Variants in NDUFA5 observed in about 807,000 individuals in gnomAD.
The protein encoded by NDUFA5 is NADH:ubiquinone oxidoreductase subunit A5, also known as NADH dehydrogenase [ubiquinone] 1 alpha subcomplex subunit 5.
NDUFA5 carries 11 observed loss-of-function variants against 19.8 expected under a neutral mutation model. That is an observed-to-expected ratio of 0.56 (90% CI 0.35 to 0.92). The LOEUF (loss-of-function observed/expected upper bound fraction) is 0.92. Ranked by LOEUF, NDUFA5 falls within the 40% of genes least tolerant of loss-of-function variation. The pLI, the probability that NDUFA5 is intolerant of heterozygous loss-of-function variation, is 0.01. For missense variants in NDUFA5, 109 were observed against 134.2 expected, an observed-to-expected ratio of 0.81 and a Z score of 0.93; for synonymous variants, 47 against 46.8, an observed-to-expected ratio of 1.00 and a Z score of -0.01.
At chr7:123,565,481 CAT>C in the NDUFA5 span, among the ~76,000 whole-genome samples, 1 of 151,918 alleles carries the variant, frequency 6.6e-6, no homozygotes, top group Non-Finnish European at 1.5e-5. Context: ...CCCCAGATAA[CAT>C]ATGTTTTTAT....
At chr7:123,544,146 C>G (rs1354573414) in intron 4 of NDUFA5, among the ~76,000 whole-genome samples, 1 of 152,032 alleles carries the variant, frequency 6.6e-6, no homozygotes, top group Non-Finnish European at 1.5e-5. Context: ...AAGATGAAGA[C>G]ATTCTAAACC....
chr7:123,555,551 A>G lies in NDUFA5; in HGVS notation c.66+1853T>C, dbSNP rs180695382. ...GGGAGTAGAAAGATCTGAAACTATCAAGAAAAATACAGCCCACAGAGGAAG... is the reference window on the plus strand; with the variant it reads ...GGGAGTAGAAAGATCTGAAACTATCGAGAAAAATACAGCCCACAGAGGAAG... On this transcript the variant is annotated intron_variant, in intron 2 of 4. Coordinates refer to ENST00000355749, the MANE Select transcript of NDUFA5 (RefSeq NM_005000.5). 1.4e-3 allele frequency: 219 copies of G among 152,370 alleles called. 1 individual carries two copies. The highest frequency in any genetic ancestry group is 4.8e-3 in the African/African-American group (198 of 41,582). 9.4% of individuals were successfully genotyped at this position (152,370 alleles called of 1,614,324 possible). A position where few individuals can be genotyped will look rare whatever the true frequency, so the allele number is the denominator to read the frequency against.
At chr7:123,562,953 C>T in the NDUFA5 span, among the ~76,000 whole-genome samples, 28 of 151,992 alleles carry the variant, frequency 1.8e-4, no homozygotes, top group South Asian at 4.2e-4. Context: ...AGGCACACCA[C>T]TCCCAGCTAA....
At chr7:123,566,175 A>G in the NDUFA5 span, among the ~76,000 whole-genome samples, 2 of 152,202 alleles carry the variant, frequency 1.3e-5, no homozygotes, top group African/African-American at 4.8e-5. Flanking sequence ...CACACTGTTC[A>G]GTACCACTAG....
At chr7:123,549,020 AG>A (rs111608945) in intron 3 of NDUFA5, among the ~76,000 whole-genome samples, 42,832 of 152,052 alleles carry the variant, frequency 0.28, 6,164 homozygotes, top group East Asian at 0.32. Context: ...TAGTATTATA[AG>A]TAACCTAGAG....
the NDUFA5 span, among the ~76,000 whole-genome samples, chr7:123,569,126 G>C: frequency 6.6e-6 from 1 of 152,116 alleles, no homozygotes; most frequent in Non-Finnish European, 1.5e-5. Context: ...AAGTACTGAG[G>C]ATTCTGGGGA....
chr7:123,548,664 G>A lies in NDUFA5; in HGVS notation c.183+1806C>T, dbSNP rs139984155. ...AGGATCAGATTGAGAAAATAACCAA[G>A]AGCCAGAACTTAGAAGGCCTTCTAT... On this transcript the variant is annotated intron_variant, in intron 3 of 4. Coordinates refer to ENST00000355749, the MANE Select transcript of NDUFA5 (RefSeq NM_005000.5). Among the ~76,000 whole-genome samples the A allele has an allele frequency of 2.4e-3, 361 of 152,254 alleles. 3 individuals are homozygous for A. The highest frequency in any genetic ancestry group is 8.4e-3 in the African/African-American group (347 of 41,552).
chr7:123,573,079 G>C, the NDUFA5 span, among the ~76,000 whole-genome samples: 15 of 151,918 alleles, frequency 9.9e-5, no homozygotes, highest in Non-Finnish European at 1.9e-4. Context: ...CAAAGATTTA[G>C]TATGCTCTAA....
chr7:123,552,099 G>C (rs1798362673), intron 2 of NDUFA5, among the ~76,000 whole-genome samples: 1 of 151,404 alleles, frequency 6.6e-6, no homozygotes, highest in Admixed American at 6.6e-5. Flanking sequence ...AAACAAACAA[G>C]ACATGATCAC....
In NDUFA5 at chr7:123,540,890, G is replaced by GCGCACACACACACA. The variant is rs766305834; in HGVS notation, c.*1228_*1229insTGTGTGTGTGTGCG. On this transcript the variant is annotated 3_prime_UTR_variant, in exon 5 of 5. Transcript: ENST00000355749. The stretch of plus-strand genomic sequence containing the variant: ...TCTGAGCAAATGTGCGCATGCGCGT[G>GCGCACACACACACA]CACACACACACACACACACACACAC... 3 of 133,830 alleles carry GCGCACACACACACA rather than the reference G, an allele frequency of 2.2e-5. No homozygotes were observed. The highest frequency in any genetic ancestry group is 3.2e-5 in the Non-Finnish European group (2 of 63,218). 8.3% of individuals were successfully genotyped at this position (133,830 alleles called of 1,614,324 possible).
At chr7:123,589,778 A>G in the NDUFA5 span, among the ~76,000 whole-genome samples, 1 of 152,176 alleles carries the variant, frequency 6.6e-6, no homozygotes, top group Non-Finnish European at 1.5e-5. Context: ...CACAATAAAC[A>G]TATGTGTGCA....
chr7:123,561,012 AG>A (rs2116230505), upstream of NDUFA5, among the ~76,000 whole-genome samples: 1 of 152,364 alleles, frequency 6.6e-6, no homozygotes, highest in Admixed American at 6.5e-5. Flanking sequence ...TACACTGAAA[AG>A]TATTAAATAT....
the NDUFA5 span, among the ~76,000 whole-genome samples, chr7:123,582,145 T>C: frequency 6.6e-6 from 1 of 152,012 alleles, no homozygotes; most frequent in African/African-American, 2.4e-5. Flanking sequence ...CTACCTAAAA[T>C]GCTCCTGTGG....
the NDUFA5 span, among the ~76,000 whole-genome samples, chr7:123,592,450 C>T: frequency 6.6e-6 from 1 of 152,178 alleles, no homozygotes; most frequent in Non-Finnish European, 1.5e-5. Context: ...CCACACACTG[C>T]TTTAAATGTA....
the NDUFA5 span, among the ~76,000 whole-genome samples, chr7:123,589,612 T>C: frequency 6.6e-6 from 1 of 152,050 alleles, no homozygotes; most frequent in Admixed American, 6.6e-5. Flanking sequence ...AGAATGGTGG[T>C]TTCCAGCTTT....
chr7:123,556,268 C>CT (rs146175186), intron 2 of NDUFA5: 35,536 of 152,064 alleles, frequency 0.23, 4,782 homozygotes, highest in East Asian at 0.32. Context: ...TTTGGGTTGC[C>CT]TGTCTGACAC....
chr7:123,586,634 C>T, the NDUFA5 span, among the ~76,000 whole-genome samples: 1 of 151,636 alleles, frequency 6.6e-6, no homozygotes, highest in Non-Finnish European at 1.5e-5. Context: ...TTGCCAAGTC[C>T]ATTGTCAAGT....
At chr7:123,589,837 T>C in the NDUFA5 span, among the ~76,000 whole-genome samples, 1 of 152,230 alleles carries the variant, frequency 6.6e-6, no homozygotes, top group Admixed American at 6.5e-5. Flanking sequence ...ATATACCCAG[T>C]AATGGGATCG....
chr7:123,570,228 G>T, the NDUFA5 span, among the ~76,000 whole-genome samples: 1 of 151,892 alleles, frequency 6.6e-6, no homozygotes, highest in South Asian at 2.1e-4. Flanking sequence ...AGTAGAGACG[G>T]GGTTTCACCA....
Sources: gnomAD v4.1 joint callset for allele counts (sites outside exome capture counted in the v4.1 genomes callset) on GRCh38, gnomAD v4.1.1 for gene constraint, MANE v1.5 for transcripts, NCBI Gene and HGNC (gene_info 2026-07-23, HGNC 2026-07-21) for gene names.